Variants in NBN observed in about 807,000 individuals in gnomAD.
NBN encodes the protein Nijmegen breakage syndrome 1 (nibrin).
A neutral mutation model predicts 90.8 loss-of-function variants in NBN; 88 were observed. The observed-to-expected ratio is 0.97, with a 90% CI of 0.82 to 1.16. The LOEUF is 1.16. Ranked by LOEUF, NBN falls within the 50% of genes most tolerant of loss-of-function variation. The probability of loss-of-function intolerance (pLI) is 0.00; values close to 1 mark genes in which losing one functional copy is unlikely to be tolerated. For missense variants in NBN, 894 were observed against 869.6 expected (o/e 1.03, Z -0.35); for synonymous variants, 328 against 295.1 (o/e 1.11, Z -1.14).
chr8:89,943,657 TA>T (rs1416305121), intron 13 of NBN, among the ~76,000 whole-genome samples: 2 of 152,190 alleles, frequency 1.3e-5, no homozygotes, highest in African/African-American at 4.8e-5. Context: ...CCTTATCATT[TA>T]ACAATTAAAG....
chr8:89,960,334 T>C (rs535229626), intron 8 of NBN, among the ~76,000 whole-genome samples: 39 of 152,244 alleles, frequency 2.6e-4, no homozygotes, highest in African/African-American at 9.1e-4. Flanking sequence ...AGAGTAAAAA[T>C]TATAAATGTT....
Position 89,971,223 on chromosome 8 carries a change from T to C in NBN, c.652A>G (p.Arg218Gly). The C allele has an allele frequency of 6.2e-7, 1 of 1,613,382 alleles. No individual in the cohort carries two copies. Among genetic ancestry groups the C allele is most frequent in the Non-Finnish European group, 8.5e-7 (1 of 1,179,544 alleles). The change falls in exon 6 of 16, where the codon AGA becomes GGA. Residue 218 changes from arginine to glycine, a missense_variant. Physicochemically the swap from Arg to Gly is moderately radical, Grantham distance 125. Transcript: ENST00000265433. ...KNVDLSGRQE[R>G]KQIFKGKTFI... The stretch of plus-strand genomic sequence containing the variant: ...GTTTTCCCTTTGAAGATTTGTTTTC[T>C]TTCCTGCCGTCCTGACAGATCAACA...
chr8:89,956,064 C>T (rs1198124394), intron 9 of NBN, among the ~76,000 whole-genome samples: 3 of 151,466 alleles, frequency 2.0e-5, no homozygotes, highest in African/African-American at 4.8e-5. Flanking sequence ...ATGGCAGACT[C>T]GAGAATAGAA....
intron 14 of NBN, among the ~76,000 whole-genome samples, chr8:89,939,424 T>A (rs1809834878): frequency 6.9e-6 from 1 of 145,328 alleles, no homozygotes; most frequent in South Asian, 2.2e-4. Flanking sequence ...TCCATCTAAT[T>A]CCTAATGAAA....
chr8:89,965,901 C>A (rs1811231389), intron 7 of NBN, among the ~76,000 whole-genome samples: 1 of 151,972 alleles, frequency 6.6e-6, no homozygotes, highest in Admixed American at 6.6e-5. Context: ...ATTAAAGTAT[C>A]AGACTAAAAA....
chr8:89,953,135 G>A (rs1440373756), intron 11 of NBN, 109 bp downstream of exon 11: 2 of 798,040 alleles, frequency 2.5e-6, no homozygotes, highest in East Asian at 2.5e-5. Context: ...CTATAGTACT[G>A]AGTGTTAAAG....
rs143916395 is a variant in NBN at position 89,979,006 on chromosome 8, C to T, written c.481-683G>A. 8.3e-4 allele frequency among the ~76,000 whole-genome samples: 126 copies of T among 152,296 alleles called. 3 individuals carry two copies. In the East Asian group the frequency reaches 0.022, roughly 27 times the overall value. On this transcript the variant is annotated intron_variant, in intron 4 of 15. Coordinates refer to ENST00000265433, the MANE Select transcript of NBN (RefSeq NM_002485.5). Reference sequence around the variant, plus strand: ...TGCTTTTTTATTTTTGAGACAGGGTCTCGCTCTGTTGTCCAGGCTGGACTG... The same window carrying T: ...TGCTTTTTTATTTTTGAGACAGGGTTTCGCTCTGTTGTCCAGGCTGGACTG...
Position 89,980,803 on chromosome 8 carries a change from T to C in NBN, c.411A>G (p.Gly137=). The change falls in exon 4 of 16, where the codon GGA becomes GGG. Residue 137 remains glycine (G), a synonymous_variant. Transcript: ENST00000265433. ...CTTCTGTCCAATTGTTTACAGTAAA[T>C]CCTCCAAGTTGCAATATAGCTTGAT... ...ALNQAILQLG[G]FTVNNWTEEC... is the part of the protein sequence containing the mutation. 6.2e-7 allele frequency: 1 copy of C among 1,613,358 alleles called. No homozygotes were observed. The highest frequency in any genetic ancestry group is 8.5e-7 in the Non-Finnish European group (1 of 1,179,518).
rs6413508 is a variant in NBN at position 89,946,195 on chromosome 8, G to A, written c.2015C>T (p.Pro672Leu). 11 of 1,601,136 alleles carry A rather than the reference G, an allele frequency of 6.9e-6. No individual in the cohort carries two copies. The highest frequency in any genetic ancestry group is 1.7e-4 in the Middle Eastern group (1 of 5,980). The part of the protein sequence containing the change: ...LVIKNSTSRN[P>L]SGINDDYGQL... Reference sequence around the variant, plus strand: ...ACCATAATCATCATTTATGCCAGATGGATTTCTGGAAGTAGAGTTTTTAAT... The same window carrying A: ...ACCATAATCATCATTTATGCCAGATAGATTTCTGGAAGTAGAGTTTTTAAT... The change falls in exon 13 of 16, where the codon CCA (proline) becomes CTA (leucine). Residue 672 changes from proline (P) to leucine (L), a missense_variant. Coordinates refer to ENST00000265433, the MANE Select transcript of NBN (RefSeq NM_002485.5).
intron 12 of NBN, among the ~76,000 whole-genome samples, chr8:89,947,260 A>G (rs1810233505): frequency 6.6e-6 from 1 of 152,220 alleles, no homozygotes; most frequent in South Asian, 2.1e-4. Context: ...TCAAGGCCAC[A>G]TACCTAAGGA....
chr8:89,937,086 T>G lies in NBN; in HGVS notation c.2185-11A>C, dbSNP rs1238635476. 6.2e-7 allele frequency: 1 copy of G among 1,610,128 alleles called. No individual in the cohort carries two copies. Among genetic ancestry groups the G allele is most frequent in the Non-Finnish European group, 8.5e-7 (1 of 1,177,576 alleles). ...ATGTTGATTTTGTACCTGTCAAAAT[T>G]AACATAATTTCAAACATTTGCTCAG... is the stretch of plus-strand genomic sequence containing the variant. On this transcript the variant is annotated splice_polypyrimidine_tract_variant and intron_variant, in intron 14 of 15. Transcript: ENST00000265433.
rs558544629 is a variant in NBN at position 89,939,010 on chromosome 8, T to C, written c.2185-1935A>G. ...AAGAAACAGAAATGCCTCATATTACTGGCATTTTTCAGAGGTCTGAGATAA... is the reference window on the plus strand; with the variant it reads ...AAGAAACAGAAATGCCTCATATTACCGGCATTTTTCAGAGGTCTGAGATAA... On this transcript the variant is annotated intron_variant, in intron 14 of 15. Coordinates refer to ENST00000265433, the MANE Select transcript of NBN (RefSeq NM_002485.5). Among the ~76,000 whole-genome samples the C allele has an allele frequency of 2.8e-4, 42 of 152,304 alleles. No individual in the cohort carries two copies. Among genetic ancestry groups the C allele is most frequent in the Non-Finnish European group, 4.7e-4 (32 of 68,008 alleles).
rs1810524788 is a variant in NBN, at chr8:89,953,307, C to G, written c.1782G>C (p.Arg594Ser). Residue 594 changes from arginine (R) to serine (S), a missense_variant, in exon 11 of 16, where the codon AGG (arginine) becomes AGC (serine). Coordinates refer to ENST00000265433, the MANE Select transcript of NBN (RefSeq NM_002485.5). ...EEDVNVRKRP[R>S]MDIETNDTFS... is the part of the protein sequence containing the mutation. ...AAGTGTCATTTGTTTCTATATCCAT[C>G]CTTGGCCTTTTTCTAACATTGACAT... The G allele has an allele frequency of 6.2e-7, 1 of 1,613,234 alleles. No individual in the cohort carries two copies. Among genetic ancestry groups the G allele is most frequent in the Non-Finnish European group, 8.5e-7 (1 of 1,179,768 alleles).
chr8:89,966,325 A>C (rs1232215812), intron 7 of NBN, among the ~76,000 whole-genome samples: 1 of 152,240 alleles, frequency 6.6e-6, no homozygotes, highest in Non-Finnish European at 1.5e-5. Flanking sequence ...TAGATAAATT[A>C]TTAGGAAAAA....
chr8:89,951,643 T>C (rs1382099581), intron 11 of NBN, among the ~76,000 whole-genome samples: 1 of 152,162 alleles, frequency 6.6e-6, no homozygotes. Flanking sequence ...TTAAACTAAT[T>C]TACCTAGCTC....
chr8:89,941,110 AG>A (rs1452812230), intron 14 of NBN, among the ~76,000 whole-genome samples: 2 of 152,198 alleles, frequency 1.3e-5, no homozygotes, highest in Non-Finnish European at 1.5e-5. Context: ...ATGAAAGGAT[AG>A]TTATGTCTTA....
intron 13 of NBN, among the ~76,000 whole-genome samples, chr8:89,945,031 T>C (rs1810125056): frequency 6.6e-6 from 1 of 152,238 alleles, no homozygotes; most frequent in South Asian, 2.1e-4. Context: ...ACATTTTAAG[T>C]ATTTCCAAAC....
At chr8:89,979,546 G>GTTGTT (rs1563576423) in intron 4 of NBN, among the ~76,000 whole-genome samples, 2 of 151,768 alleles carry the variant, frequency 1.3e-5, no homozygotes, top group African/African-American at 4.8e-5. Context: ...TGTTGTTGTT[G>GTTGTT]TTTTTAAGTA....
At chr8:89,981,283 GT>G in intron 3 of NBN, 91 bp downstream of exon 3, 2 of 1,384,486 alleles carry the variant, frequency 1.4e-6, no homozygotes, top group East Asian at 4.6e-5. Context: ...AAATTATACT[GT>G]TTTAAATTCA....
Sources: gnomAD v4.1 joint callset for allele counts (sites outside exome capture counted in the v4.1 genomes callset) on GRCh38, gnomAD v4.1.1 for gene constraint, MANE v1.5 for transcripts, NCBI Gene and HGNC (gene_info 2026-07-23, HGNC 2026-07-21) for gene names.